CLASP1: variants seen among roughly 807,000 people sequenced by gnomAD.
CLASP1 encodes CLIP-associating protein 1.
Under a neutral mutation model 192.3 loss-of-function variants are expected in CLASP1, and 38 were observed. The observed-to-expected ratio is 0.20, with a 90% CI of 0.15 to 0.26. CLASP1 has a LOEUF of 0.26. Ranked by LOEUF, CLASP1 falls within the 10% of genes least tolerant of loss-of-function variation. CLASP1 has a pLI of 1.00. For missense variants in CLASP1, 1,433 were observed against 1,932.5 expected, an observed-to-expected ratio of 0.74 and a Z score of 4.85; for synonymous variants, 691 against 712.8, an observed-to-expected ratio of 0.97 and a Z score of 0.49.
intron 2 of CLASP1, among the ~76,000 whole-genome samples, chr2:121,555,954 G>A (rs1315907871): frequency 1.4e-5 from 2 of 145,180 alleles, no homozygotes; most frequent in East Asian, 4.2e-4. Context: ...TGAAATTACA[G>A]GTGTGAGCCA....
At chr2:121,569,313 C>A (rs1417744343) in intron 2 of CLASP1, among the ~76,000 whole-genome samples, 1 of 152,112 alleles carries the variant, frequency 6.6e-6, no homozygotes, top group Non-Finnish European at 1.5e-5. Flanking sequence ...ACACAGAGAT[C>A]GGGAGAAAGC....
chr2:121,403,955 T>C (rs1327095571), intron 26 of CLASP1, among the ~76,000 whole-genome samples: 1 of 152,216 alleles, frequency 6.6e-6, no homozygotes, highest in Non-Finnish European at 1.5e-5. Flanking sequence ...TATCTTGTCC[T>C]ATACGGACAT....
chr2:121,369,073 A>G (rs12711547), intron 34 of CLASP1, among the ~76,000 whole-genome samples: 34,700 of 152,156 alleles, frequency 0.23, 5,917 homozygotes, highest in African/African-American at 0.47. Flanking sequence ...TGCTGAACAC[A>G]TTCCACTGTG....
At position 121,438,899 on chromosome 2, in the gene CLASP1, G is replaced by A. The variant is rs1357394325; in HGVS notation, c.1912+8438C>T. Among the ~76,000 whole-genome samples, 16 of 151,322 alleles carry A rather than the reference G, an allele frequency of 1.1e-4. 1 individual carries two copies. Among genetic ancestry groups the A allele is most frequent in the East Asian group, 3.9e-4 (2 of 5,182 alleles). On this transcript the variant is annotated intron_variant, in intron 19 of 39. Coordinates refer to ENST00000263710, the Ensembl canonical transcript of CLASP1. ...TCTATTGATTGGAATAGTTTCAGAC[G>A]GAATGGTACCAGTTCCTCCTTGTAC...
At chr2:121,463,227 C>G (rs1164263293) in intron 9 of CLASP1, among the ~76,000 whole-genome samples, 1 of 152,088 alleles carries the variant, frequency 6.6e-6, no homozygotes, top group African/African-American at 2.4e-5. Context: ...GTATGAAAAT[C>G]AAGTGATGCT....
At chr2:121,533,914 A>C (rs1268918398) in intron 2 of CLASP1, among the ~76,000 whole-genome samples, 1 of 152,240 alleles carries the variant, frequency 6.6e-6, no homozygotes, top group Non-Finnish European at 1.5e-5. Flanking sequence ...TCAAGGTCCA[A>C]CACATCTTCT....
At chr2:121,419,748 ACAACCTT>A (rs1332272652) in intron 22 of CLASP1, among the ~76,000 whole-genome samples, 1 of 152,152 alleles carries the variant, frequency 6.6e-6, no homozygotes, top group Non-Finnish European at 1.5e-5. Context: ...ATACTCCAAA[ACAACCTT>A]GTATACTGAA....
At chr2:121,452,439 A>C (rs1053613633) in intron 14 of CLASP1, among the ~76,000 whole-genome samples, 1 of 152,090 alleles carries the variant, frequency 6.6e-6, no homozygotes, top group East Asian at 1.9e-4. Context: ...TCTTGGTCTG[A>C]TTTGTGCACA....
intron 8 of CLASP1, among the ~76,000 whole-genome samples, chr2:121,470,492 C>T (rs181936923): frequency 1.3e-5 from 2 of 151,952 alleles, no homozygotes; most frequent in Non-Finnish European, 2.9e-5. Context: ...TAAATTTTTC[C>T]TCTGTGATGA....
chr2:121,581,639 CTT>C (rs921469230), intron 2 of CLASP1, among the ~76,000 whole-genome samples: 1 of 152,158 alleles, frequency 6.6e-6, no homozygotes, highest in African/African-American at 2.4e-5. Flanking sequence ...AATCCCAACA[CTT>C]TGGAAGGTCA....
At chr2:121,614,367 G>C (rs2066116085) in intron 1 of CLASP1, among the ~76,000 whole-genome samples, 1 of 152,100 alleles carries the variant, frequency 6.6e-6, no homozygotes, top group East Asian at 1.9e-4. Flanking sequence ...GTGGTGGTGT[G>C]CGCCTGTAAT....
chr2:121,350,281 G>T (rs911835601), intron 37 of CLASP1, among the ~76,000 whole-genome samples: 1 of 152,226 alleles, frequency 6.6e-6, no homozygotes, highest in African/African-American at 2.4e-5. Context: ...AGTGAAGCAA[G>T]ACAGGCCCAT....
intron 1 of CLASP1, among the ~76,000 whole-genome samples, chr2:121,607,193 G>A (rs920488908): frequency 2.0e-5 from 3 of 151,990 alleles, no homozygotes; most frequent in African/African-American, 7.2e-5. Context: ...ATAAAAACTA[G>A]CCAGGTGTGG....
chr2:121,488,189 T>G (rs1311376342), intron 8 of CLASP1, among the ~76,000 whole-genome samples: 8 of 152,242 alleles, frequency 5.3e-5, no homozygotes, highest in Admixed American at 5.2e-4. Flanking sequence ...CATTTAATTC[T>G]GCATCTTGTT....
At chr2:121,403,582 T>G in intron 26 of CLASP1, 1 of 442,898 alleles carries the variant, frequency 2.3e-6, no homozygotes. Context: ...TCATTTAAGG[T>G]TCTATCCATT....
chr2:121,356,177 G>A (rs2065345035), intron 37 of CLASP1, among the ~76,000 whole-genome samples: 1 of 152,178 alleles, frequency 6.6e-6, no homozygotes, highest in Non-Finnish European at 1.5e-5. Context: ...AACAACAGTG[G>A]CTGGAATCAA....
intron 32 of CLASP1, among the ~76,000 whole-genome samples, chr2:121,383,878 C>G (rs2149359731): frequency 6.6e-6 from 1 of 151,436 alleles, no homozygotes; most frequent in East Asian, 1.9e-4. Flanking sequence ...GAAGTTTATT[C>G]TTTCACACAG....
intron 2 of CLASP1, among the ~76,000 whole-genome samples, chr2:121,554,768 G>A (rs1575936867): frequency 6.6e-6 from 1 of 152,266 alleles, no homozygotes; most frequent in South Asian, 2.1e-4. Context: ...TGGCATGAGG[G>A]ATCTTTTTGG....
chr2:121,589,601 G>A (rs917976714), intron 2 of CLASP1, among the ~76,000 whole-genome samples: 5 of 148,304 alleles, frequency 3.4e-5, no homozygotes, highest in African/African-American at 1.2e-4. Flanking sequence ...TTGCACTCCA[G>A]CCTGGGTGAC....
Sources: gnomAD v4.1 joint callset for allele counts (sites outside exome capture counted in the v4.1 genomes callset) on GRCh38, gnomAD v4.1.1 for gene constraint, MANE v1.5 for transcripts, NCBI Gene and HGNC (gene_info 2026-07-23, HGNC 2026-07-21) for gene names.